Variants in NCALD observed in about 807,000 individuals in gnomAD.
The protein encoded by NCALD is neurocalcin-delta.
NCALD carries 10 observed loss-of-function variants against 18.6 expected under a neutral mutation model. That is an observed-to-expected ratio of 0.54 (90% CI 0.33 to 0.91). The LOEUF (loss-of-function observed/expected upper bound fraction) is 0.91. NCALD is among the 40% of genes least tolerant of loss of function. The probability of loss-of-function intolerance (pLI) is 0.03; values close to 1 mark genes in which losing one functional copy is unlikely to be tolerated. For missense variants in NCALD, 184 were observed against 247.6 expected, an observed-to-expected ratio of 0.74 and a Z score of 1.72; for synonymous variants, 88 against 87.4, an observed-to-expected ratio of 1.01 and a Z score of -0.04.
intron 1 of NCALD, among the ~76,000 whole-genome samples, chr8:102,113,541 G>A (rs765750118): frequency 3.9e-5 from 6 of 152,274 alleles, no homozygotes; most frequent in Middle Eastern, 3.4e-3. Context: ...AAAGGCAGAC[G>A]AATACAAAAT....
At chr8:101,770,696 C>T (rs1302003048) in intron 1 of NCALD, among the ~76,000 whole-genome samples, 15 of 152,328 alleles carry the variant, frequency 9.8e-5, no homozygotes, top group Admixed American at 9.8e-4. Flanking sequence ...CTTTCTTTCT[C>T]TCTCAAGGCA....
chr8:102,096,194 G>C (rs530734017), intron 1 of NCALD, among the ~76,000 whole-genome samples: 1 of 152,336 alleles, frequency 6.6e-6, no homozygotes, highest in East Asian at 1.9e-4. Flanking sequence ...GAAGAGCAAA[G>C]ATCAGTTTTC....
At chr8:101,875,197 A>G (rs1391524294) in intron 4 of NCALD, among the ~76,000 whole-genome samples, 1 of 152,212 alleles carries the variant, frequency 6.6e-6, no homozygotes, top group Non-Finnish European at 1.5e-5. Flanking sequence ...GGATGATCAG[A>G]GAGGTAAAGT....
chr8:101,778,803 A>T (rs1008114984), intron 1 of NCALD, among the ~76,000 whole-genome samples: 85 of 152,272 alleles, frequency 5.6e-4, no homozygotes, highest in Admixed American at 5.4e-3. Context: ...AGAGATGAAC[A>T]CTTCAAATAA....
chr8:101,695,874 G>C (rs1814966306), intron 2 of NCALD, among the ~76,000 whole-genome samples: 1 of 152,116 alleles, frequency 6.6e-6, no homozygotes, highest in Non-Finnish European at 1.5e-5. Context: ...AGGAATAACT[G>C]TCCCCCAGTT....
At chr8:101,964,222 C>T (rs1221730779) in intron 2 of NCALD, among the ~76,000 whole-genome samples, 1 of 152,122 alleles carries the variant, frequency 6.6e-6, no homozygotes, top group Non-Finnish European at 1.5e-5. Flanking sequence ...TCTAGACACA[C>T]CCCCCGACTT....
chr8:101,874,036 A>G (rs755171373), intron 4 of NCALD, among the ~76,000 whole-genome samples: 21 of 152,202 alleles, frequency 1.4e-4, no homozygotes, highest in Non-Finnish European at 2.9e-4. Flanking sequence ...GACCTCAAAC[A>G]TGATTCCTTC....
intron 4 of NCALD, among the ~76,000 whole-genome samples, chr8:101,857,089 T>C (rs1815349894): frequency 6.6e-6 from 1 of 152,210 alleles, no homozygotes; most frequent in Non-Finnish European, 1.5e-5. Flanking sequence ...TAAATGAAGA[T>C]AATTCCAGAA....
intron 2 of NCALD, among the ~76,000 whole-genome samples, chr8:101,704,538 A>G (rs1242381598): frequency 2.0e-5 from 3 of 152,338 alleles, no homozygotes; most frequent in African/African-American, 7.2e-5. Context: ...TTCAAAGATC[A>G]CAAATGCGAG....
chr8:101,735,385 G>A (rs16868290), intron 1 of NCALD, among the ~76,000 whole-genome samples: 24,794 of 151,948 alleles, frequency 0.16, 3,708 homozygotes, highest in African/African-American at 0.4. Flanking sequence ...CAGCATCCTC[G>A]GGACAAAGAT....
chr8:101,707,722 G>A (rs1815594501), intron 2 of NCALD, among the ~76,000 whole-genome samples: 1 of 152,084 alleles, frequency 6.6e-6, no homozygotes, highest in Non-Finnish European at 1.5e-5. Context: ...CAGATATGTA[G>A]CTGGGCATGG....
rs1814581946 is a variant in NCALD at position 101,688,943 on chromosome 8, C to T, written c.*366G>A. 3.1e-6 allele frequency: 2 copies of T among 641,704 alleles called. No homozygotes were observed. Among genetic ancestry groups the T allele is most frequent in the Non-Finnish European group, 2.8e-6 (1 of 360,204 alleles). The allele number at this position is 641,704 out of a possible 1,614,324, so 39.8% of individuals were successfully genotyped here. ...GAGTTTTGTCTTTCAAACAAAAGCC[C>T]CTTGAAGCTTGCAATAGAATCACAG... On this transcript the variant is annotated 3_prime_UTR_variant, in exon 4 of 4. Coordinates refer to ENST00000220931, the MANE Select transcript of NCALD (RefSeq NM_032041.3).
chr8:101,740,237 A>G (rs1810127083), intron 1 of NCALD, among the ~76,000 whole-genome samples: 1 of 152,242 alleles, frequency 6.6e-6, no homozygotes, highest in Non-Finnish European at 1.5e-5. Context: ...CTGAACTAAA[A>G]GTGTGTGCAG....
chr8:101,799,334 T>C (rs1347197368), intron 4 of NCALD, among the ~76,000 whole-genome samples: 4 of 152,188 alleles, frequency 2.6e-5, no homozygotes, highest in Non-Finnish European at 5.9e-5. Context: ...CTGGTGGGAA[T>C]GTAAACTAAT....
intron 1 of NCALD, among the ~76,000 whole-genome samples, chr8:102,060,788 C>A (rs971984472): frequency 6.6e-6 from 1 of 152,054 alleles, no homozygotes; most frequent in Non-Finnish European, 1.5e-5. Context: ...AAAAAAAATT[C>A]ACTTCTTCAC....
intron 1 of NCALD, among the ~76,000 whole-genome samples, chr8:102,114,782 T>C (rs1825736702): frequency 6.6e-6 from 1 of 152,170 alleles, no homozygotes; most frequent in Non-Finnish European, 1.5e-5. Flanking sequence ...AGATCACCTC[T>C]TGGGGCACAG....
chr8:101,696,533 G>A (rs2130050906), intron 2 of NCALD, among the ~76,000 whole-genome samples: 1 of 152,296 alleles, frequency 6.6e-6, no homozygotes, highest in African/African-American at 2.4e-5. Flanking sequence ...AGCGTGGCAA[G>A]GAGGTCAACA....
At chr8:101,896,025 A>G (rs2131540327) in intron 3 of NCALD, among the ~76,000 whole-genome samples, 1 of 151,344 alleles carries the variant, frequency 6.6e-6, no homozygotes, top group South Asian at 2.1e-4. Flanking sequence ...TTTAAAGTTC[A>G]TATGGAACCA....
At chr8:101,898,284 T>G (rs1306809372) in intron 3 of NCALD, among the ~76,000 whole-genome samples, 1 of 152,232 alleles carries the variant, frequency 6.6e-6, no homozygotes, top group African/African-American at 2.4e-5. Flanking sequence ...ATTTCCCCAG[T>G]AGCTAGGGAT....
Sources: gnomAD v4.1 joint callset for allele counts (sites outside exome capture counted in the v4.1 genomes callset) on GRCh38, gnomAD v4.1.1 for gene constraint, MANE v1.5 for transcripts, NCBI Gene and HGNC (gene_info 2026-07-23, HGNC 2026-07-21) for gene names.